The following C1orf174 variants were observed in gnomAD, a reference collection of about 807,000 sequenced individuals.
The protein encoded by C1orf174 is UPF0688 protein C1orf174.
In C1orf174, 13 loss-of-function variants were observed where a neutral mutation model predicts 18.4. The ratio of observed to expected loss-of-function variants is 0.71; its 90% CI spans 0.46 to 1.12. C1orf174 has a LOEUF of 1.12. C1orf174 is among the 50% of genes most tolerant of loss of function. The pLI is 0.00. For missense variants in C1orf174, 309 were observed against 308.0 expected, an observed-to-expected ratio of 1.00 and a Z score of -0.02; for synonymous variants, 100 against 118.3, an observed-to-expected ratio of 0.85 and a Z score of 1.01.
Position 3,889,939 on chromosome 1 carries a change from G to C in C1orf174, c.*21C>G. ...ATTGTTAATGGTACTAAATACTCAA[G>C]GACATTATTTTGTATGGCCCCTACA... On this transcript the variant is annotated 3_prime_UTR_variant, in exon 4 of 4. Transcript: ENST00000361605. The C allele has an allele frequency of 6.4e-7, 1 of 1,571,810 alleles. No homozygotes were observed. Among genetic ancestry groups the C allele is most frequent in the Non-Finnish European group, 8.8e-7 (1 of 1,141,520 alleles).
chr1:3,891,008 T>C lies in C1orf174; in HGVS notation c.179A>G (p.Lys60Arg), dbSNP rs1230101742. 6.2e-7 allele frequency: 1 copy of C among 1,614,080 alleles called. No homozygotes were observed. ...ATDTRTSKKF[K>R]CDKGHLVKSE... is the part of the protein sequence containing the mutation. The stretch of plus-strand genomic sequence containing the variant: ...CTTCACAAGATGTCCTTTGTCACAT[T>C]TGAACTTCTTGGACGTTCGCGTGTC... Residue 60 changes from lysine to arginine, a missense_variant, in exon 3 of 4, where the codon AAA becomes AGA. Transcript: ENST00000361605.
At position 3,900,221 on chromosome 1, in the gene C1orf174, C is replaced by T. The variant is rs773751412; in HGVS notation, c.-35G>A. On this transcript the variant is annotated 5_prime_UTR_variant, in exon 1 of 4. Transcript: ENST00000361605. ...CACCGCAGCCAAGCACCGCGCGCCC[C>T]GGCCAACGCGTCCCGGCGGAGCGGC... The T allele has an allele frequency of 6.4e-7, 1 of 1,559,306 alleles. No individual in the cohort carries two copies. The highest frequency in any genetic ancestry group is 8.6e-7 in the Non-Finnish European group (1 of 1,164,316).
At position 3,890,838 on chromosome 1, in the gene C1orf174, C is replaced by T. The variant is rs750037052; in HGVS notation, c.349G>A (p.Ala117Thr). 1.2e-6 allele frequency: 2 copies of T among 1,613,468 alleles called. No homozygotes were observed. Among genetic ancestry groups the T allele is most frequent in the South Asian group, 2.2e-5 (2 of 91,078 alleles). The change falls in exon 3 of 4, where the codon GCA (alanine) becomes ACA (threonine). Residue 117 changes from alanine to threonine, a missense_variant. By Grantham distance (58) the Ala-to-Thr change is moderately conservative. Coordinates refer to ENST00000361605, the MANE Select transcript of C1orf174 (RefSeq NM_207356.3). The part of the protein sequence containing the change: ...EAGVSVQQGA[A>T]SLPLGGCRVV... ...CTGCAGCCACCGAGAGGAAGACTTG[C>T]AGCCCCCTGCTGCACAGAAACGCCA...
Position 3,889,736 on chromosome 1 carries a change from A to C in C1orf174, c.*224T>G, listed in dbSNP as rs1638467200. The C allele has an allele frequency of 2.3e-6, 1 of 442,788 alleles. No homozygotes were observed. The highest frequency in any genetic ancestry group is 3.5e-5 in the East Asian group (1 of 28,602). The allele number at this position is 442,788 out of a possible 1,614,324, so 27.4% of individuals were successfully genotyped here. A position where few individuals can be genotyped will look rare whatever the true frequency, so the allele number is the denominator to read the frequency against. On this transcript the variant is annotated 3_prime_UTR_variant, in exon 4 of 4. Transcript: ENST00000361605. ...AAAAAAAAAAAGAAAGGACATTGGCACAGTACAGCAGCTTTGCAACCTCAA... is the reference window on the plus strand; with the variant it reads ...AAAAAAAAAAAGAAAGGACATTGGCCCAGTACAGCAGCTTTGCAACCTCAA...
At chr1:3,890,189 G>C (rs187557057) in intron 3 of C1orf174, 116 bp from the exon 4 acceptor site, 1 of 776,764 alleles carries the variant, frequency 1.3e-6, no homozygotes, top group African/African-American at 1.8e-5. Context: ...CCTTTTAGAC[G>C]TGTGAAAATG....
intron 1 of C1orf174, 31 bp from the exon 2 acceptor site, chr1:3,893,027 C>T (rs1185487887): frequency 1.2e-6 from 2 of 1,606,764 alleles, no homozygotes; most frequent in Non-Finnish European, 1.7e-6. Context: ...TCAGAGAGTG[C>T]TCTCAGGAAG....
Position 3,890,620 on chromosome 1 carries a change from G to A in C1orf174, c.567C>T (p.Ser189=). 1.2e-6 allele frequency: 2 copies of A among 1,614,102 alleles called. No individual in the cohort carries two copies. The highest frequency in any genetic ancestry group is 1.7e-6 in the Non-Finnish European group (2 of 1,180,028). Residue 189 remains serine, a synonymous_variant, in exon 3 of 4, where the codon AGC becomes AGT. Transcript: ENST00000361605. ...ACCGGCTCACGGGCATTGGCTGATT[G>A]CTGTCGTCATCTAGAAAGACGCTGT... is the stretch of plus-strand genomic sequence containing the variant. The part of the protein sequence containing the change: ...MDNSVFLDDD[S]NQPMPVSRFF...
chr1:3,893,034 G>A (rs752888150), intron 1 of C1orf174, 38 bp from the exon 2 acceptor site: 3 of 1,601,194 alleles, frequency 1.9e-6, no homozygotes, highest in South Asian at 1.1e-5. Context: ...GTGCTCTCAG[G>A]AAGGCAGCAT....
In C1orf174 at chr1:3,892,902, G is replaced by GA; in HGVS notation, c.109dup (p.Ser37PhefsTer26). 6.2e-7 allele frequency: 1 copy of GA among 1,614,222 alleles called. No homozygotes were observed. On this transcript the variant is annotated frameshift_variant, in exon 2 of 4. Coordinates refer to ENST00000361605, the MANE Select transcript of C1orf174 (RefSeq NM_207356.3). LOFTEE classifies it high-confidence loss of function. Reference sequence around the variant, plus strand: ...GCTCACCAGACATGCTGTCTTGGCAGACGTGGAACCAGCAACTTCCTGGGC... The same window carrying GA: ...GCTCACCAGACATGCTGTCTTGGCAGAACGTGGAACCAGCAACTTCCTGGGC...
chr1:3,893,094 CT>C, intron 1 of C1orf174, 98 bp from the exon 2 acceptor site: 1 of 1,266,592 alleles, frequency 7.9e-7, no homozygotes, highest in Non-Finnish European at 1.1e-6. Context: ...AAGACCGCCC[CT>C]CCCACTCCCA....
chr1:3,895,573 C>T (rs944753283), intron 1 of C1orf174: 4 of 114,732 alleles, frequency 3.5e-5, no homozygotes, highest in Non-Finnish European at 7.9e-5. Context: ...GAAGCGCTGG[C>T]TGTTAACAGA....
Position 3,892,869 on chromosome 1 carries a change from G to GT in C1orf174, c.129+13dup. 1 of 1,613,374 alleles carries GT rather than the reference G, an allele frequency of 6.2e-7. No individual in the cohort carries two copies. Among genetic ancestry groups the GT allele is most frequent in the Non-Finnish European group, 8.5e-7 (1 of 1,179,646 alleles). On this transcript the variant is annotated intron_variant, in intron 2 of 3. Coordinates refer to ENST00000361605, the MANE Select transcript of C1orf174 (RefSeq NM_207356.3). ...AGTCAGGATCTTGGCGTTCTCCACGGTAACAGGGCTCACCAGACATGCTGT... is the reference window on the plus strand; with the variant it reads ...AGTCAGGATCTTGGCGTTCTCCACGGTTAACAGGGCTCACCAGACATGCTGT...
intron 1 of C1orf174, 56 bp downstream of exon 1, chr1:3,900,116 G>T (rs1638683367): frequency 6.4e-7 from 1 of 1,556,728 alleles, no homozygotes; most frequent in African/African-American, 1.4e-5. Context: ...CAGACAGCAG[G>T]TGACCCAGAG....
intron 3 of C1orf174, among the ~76,000 whole-genome samples, chr1:3,890,309 C>T (rs1397321927): frequency 6.6e-6 from 1 of 152,118 alleles, no homozygotes; most frequent in African/African-American, 2.4e-5. Context: ...ACAGCAAGCG[C>T]GGGGTGGATG....
chr1:3,893,059 G>C, intron 1 of C1orf174, 63 bp from the exon 2 acceptor site: 1 of 1,559,894 alleles, frequency 6.4e-7, no homozygotes, highest in South Asian at 1.2e-5. Context: ...ATGTAGACGA[G>C]AATTTCCCAC....
chr1:3,900,006 C>A (rs1418780261), intron 1 of C1orf174, among the ~76,000 whole-genome samples, 166 bp downstream of exon 1: 1 of 148,834 alleles, frequency 6.7e-6, no homozygotes, highest in Admixed American at 6.6e-5. Context: ...CTCCTTCTCC[C>A]GGGAGCGTGG....
At chr1:3,891,529 A>G in intron 2 of C1orf174, 2 of 937,400 alleles carry the variant, frequency 2.1e-6, no homozygotes, top group Non-Finnish European at 2.6e-6. Flanking sequence ...AAATTTTACC[A>G]AGCACCTCAT....
At chr1:3,891,839 T>G (rs1638522508) in intron 2 of C1orf174, 1 of 984,322 alleles carries the variant, frequency 1.0e-6, no homozygotes, top group South Asian at 4.7e-5. Context: ...CACACACGGG[T>G]GGGCAGGTGC....
chr1:3,899,255 G>C (rs1443570166), intron 1 of C1orf174, among the ~76,000 whole-genome samples: 1 of 152,180 alleles, frequency 6.6e-6, no homozygotes, highest in Non-Finnish European at 1.5e-5. Context: ...GAAACTACCA[G>C]ACTGCATTTT....
Sources: allele counts gnomAD v4.1 joint callset (sites outside exome capture counted in the v4.1 genomes callset), GRCh38; gene constraint gnomAD v4.1.1; transcripts MANE v1.5; gene names NCBI Gene and HGNC (gene_info 2026-07-23, HGNC 2026-07-21).